Variants in GSK3B observed in about 807,000 individuals in gnomAD.
GSK3B encodes the protein glycogen synthase kinase-3 beta.
GSK3B carries 15 observed loss-of-function variants against 56.4 expected under a neutral mutation model. The ratio of observed to expected loss-of-function variants is 0.27; its 90% CI spans 0.18 to 0.41. GSK3B has a LOEUF of 0.41. Among genes scored for constraint, GSK3B ranks in the 10% least tolerant of loss-of-function variants. GSK3B has a pLI of 1.00. For missense variants in GSK3B, 300 were observed against 513.4 expected (o/e 0.58, Z 4.02); for synonymous variants, 181 against 188.9 (o/e 0.96, Z 0.34).
chr3:119,947,395 C>T (rs756890006), intron 2 of GSK3B, 44 bp from the exon 3 acceptor site: 2 of 1,154,790 alleles, frequency 1.7e-6, no homozygotes, highest in East Asian at 2.3e-5. Context: ...AGGATAACAG[C>T]TATTCATCAT....
At chr3:119,964,893 C>A (rs2057304950) in intron 2 of GSK3B, among the ~76,000 whole-genome samples, 2 of 152,190 alleles carry the variant, frequency 1.3e-5, no homozygotes, top group African/African-American at 4.8e-5. Context: ...CATTAAATTG[C>A]ACACATTAAT....
chr3:120,092,865 G>A (rs1471739616), intron 1 of GSK3B, among the ~76,000 whole-genome samples: 1 of 152,088 alleles, frequency 6.6e-6, no homozygotes, highest in Non-Finnish European at 1.5e-5. Context: ...ATGTTGGGAG[G>A]GTGGGACATT....
chr3:119,996,560 A>G (rs1371724386), intron 2 of GSK3B, among the ~76,000 whole-genome samples: 6 of 151,374 alleles, frequency 4.0e-5, no homozygotes, highest in Non-Finnish European at 5.9e-5. Flanking sequence ...ACTGTGTTTT[A>G]CCCTATGCTA....
intron 1 of GSK3B, among the ~76,000 whole-genome samples, chr3:120,090,652 T>C (rs1383028090): frequency 6.6e-6 from 1 of 152,094 alleles, no homozygotes; most frequent in African/African-American, 2.4e-5. Flanking sequence ...ACTTTCACAT[T>C]TTACTTTATT....
chr3:119,864,829 T>C (rs1732170), intron 8 of GSK3B, among the ~76,000 whole-genome samples: 71,087 of 152,114 alleles, frequency 0.47, 19,860 homozygotes, highest in Non-Finnish European at 0.61. Context: ...TTTTAATTTA[T>C]TATTGAAAAA....
chr3:119,842,076 GGAGA>G (rs1057238088), intron 10 of GSK3B, among the ~76,000 whole-genome samples: 2 of 151,910 alleles, frequency 1.3e-5, no homozygotes, highest in African/African-American at 2.4e-5. Context: ...TTAGCTTTTT[GGAGA>G]GAGAGAGAAA....
intron 5 of GSK3B, 27 bp downstream of exon 5, chr3:119,916,017 G>C: frequency 1.3e-6 from 2 of 1,566,104 alleles, no homozygotes; most frequent in East Asian, 4.5e-5. Flanking sequence ...GAAAAGGGAA[G>C]GGGCAGGGAG....
At chr3:119,994,043 T>C (rs2057591376) in intron 2 of GSK3B, among the ~76,000 whole-genome samples, 1 of 152,106 alleles carries the variant, frequency 6.6e-6, no homozygotes, top group South Asian at 2.1e-4. Flanking sequence ...TTCTATTTTT[T>C]AGTAGAGACG....
chr3:119,845,254 C>A (rs555209643), intron 9 of GSK3B, among the ~76,000 whole-genome samples: 2 of 152,290 alleles, frequency 1.3e-5, no homozygotes, highest in Non-Finnish European at 2.9e-5. Context: ...TGAAAACCAG[C>A]ACAAAACAAG....
At chr3:119,982,006 G>A (rs187114711) in intron 2 of GSK3B, among the ~76,000 whole-genome samples, 1 of 152,344 alleles carries the variant, frequency 6.6e-6, no homozygotes, top group Non-Finnish European at 1.5e-5. Flanking sequence ...AGGAAGATCA[G>A]GCAGCAATAT....
At chr3:119,839,384 CCA>C (rs748688536) in intron 10 of GSK3B, among the ~76,000 whole-genome samples, 74 of 152,046 alleles carry the variant, frequency 4.9e-4, no homozygotes, top group Non-Finnish European at 9.0e-4. Context: ...TGCTTTTATT[CCA>C]CATACTTTAG....
At chr3:120,023,326 A>C (rs560752857) in intron 1 of GSK3B, among the ~76,000 whole-genome samples, 4 of 151,300 alleles carry the variant, frequency 2.6e-5, no homozygotes, top group Admixed American at 2.0e-4. Flanking sequence ...GGTTATGTCC[A>C]ACACTGCCCC....
rs557354817 is a variant in GSK3B, at chr3:120,093,472, T to C, written c.-38A>G. On this transcript the variant is annotated 5_prime_UTR_variant, in exon 1 of 11. Coordinates refer to ENST00000264235, the MANE Select transcript of GSK3B (RefSeq NM_001146156.2). ...CGCGAATCACCTTTTCCTTCCTTCC[T>C]CCTTTTCTTCCTTTTGTCTTTATGT... 8.5e-6 allele frequency: 11 copies of C among 1,289,992 alleles called. No homozygotes were observed. The highest frequency in any genetic ancestry group is 1.2e-5 in the Non-Finnish European group (11 of 885,556). The allele number at this position is 1,289,992 out of a possible 1,614,324, so 79.9% of individuals were successfully genotyped here.
rs571135899 is a variant in GSK3B at position 120,004,785 on chromosome 3, G to A, written c.89-2546C>T. Among the ~76,000 whole-genome samples the A allele has an allele frequency of 2.0e-5, 3 of 152,146 alleles. No individual in the cohort carries two copies. In the East Asian group the frequency reaches 5.8e-4, roughly 29 times the overall value. ...CCATACGTAGGCCACCAACATCAAAGACCAAAGATAGATAAAACCACAAAG... is the reference window on the plus strand; with the variant it reads ...CCATACGTAGGCCACCAACATCAAAAACCAAAGATAGATAAAACCACAAAG... On this transcript the variant is annotated intron_variant, in intron 1 of 10. Coordinates refer to ENST00000264235, the MANE Select transcript of GSK3B (RefSeq NM_001146156.2).
intron 1 of GSK3B, among the ~76,000 whole-genome samples, chr3:120,066,690 G>T (rs2058283080): frequency 6.6e-6 from 1 of 152,122 alleles, no homozygotes; most frequent in African/African-American, 2.4e-5. Context: ...CTAGATTGGG[G>T]TCAGCACACT....
chr3:119,848,386 GA>G (rs765525386), intron 9 of GSK3B, among the ~76,000 whole-genome samples: 1 of 152,014 alleles, frequency 6.6e-6, no homozygotes, highest in Non-Finnish European at 1.5e-5. Context: ...GCAATTCACA[GA>G]TACAGCATGA....
Position 119,863,459 on chromosome 3 carries a change from A to G in GSK3B, c.1056T>C (p.Asn352=). 1 of 1,614,062 alleles carries G rather than the reference A, an allele frequency of 6.2e-7. No individual in the cohort carries two copies. Among genetic ancestry groups the G allele is most frequent in the Non-Finnish European group, 8.5e-7 (1 of 1,179,966 alleles). ...ELRDPNVKLP[N]GRDTPALFNF... is the part of the protein sequence containing the mutation. ...TGAAGAGTGCAGGTGTGTCTCGCCC[A>G]TTTGGTAGTTTGACATTTGGGTCCC... The change falls in exon 9 of 11, where the codon AAT becomes AAC. Residue 352 remains asparagine, a synonymous_variant. Coordinates refer to ENST00000264235, the MANE Select transcript of GSK3B (RefSeq NM_001146156.2).
chr3:119,845,885 G>A (rs2055848969), intron 9 of GSK3B, among the ~76,000 whole-genome samples: 1 of 151,228 alleles, frequency 6.6e-6, no homozygotes, highest in African/African-American at 2.4e-5. Flanking sequence ...AACAAAGCTG[G>A]CGGCATCAGC....
intron 2 of GSK3B, among the ~76,000 whole-genome samples, chr3:119,952,835 T>C (rs2057171659): frequency 6.6e-6 from 1 of 151,290 alleles, no homozygotes; most frequent in South Asian, 2.1e-4. Context: ...GGAGAATAAG[T>C]TGAAATACTT....
Sources: allele counts gnomAD v4.1 joint callset (sites outside exome capture counted in the v4.1 genomes callset), GRCh38; gene constraint gnomAD v4.1.1; transcripts MANE v1.5; gene names NCBI Gene and HGNC (gene_info 2026-07-23, HGNC 2026-07-21).